GMEB1: variants seen among roughly 807,000 people sequenced by gnomAD.
GMEB1 encodes glucocorticoid modulatory element-binding protein 1.
Under a neutral mutation model 52.4 loss-of-function variants are expected in GMEB1, and 6 were observed. The ratio of observed to expected loss-of-function variants is 0.11; its 90% CI spans 0.06 to 0.23. GMEB1 has a LOEUF of 0.23. Ranked by LOEUF, GMEB1 falls within the 10% of genes least tolerant of loss-of-function variation. GMEB1 has a pLI of 1.00. For synonymous variants in GMEB1, 255 were observed against 244.9 expected (o/e 1.04, Z -0.38); for missense variants, 486 against 685.6 (o/e 0.71, Z 3.25).
intron 1 of GMEB1, among the ~76,000 whole-genome samples, chr1:28,675,297 G>A (rs367582777): frequency 1.3e-5 from 2 of 152,060 alleles, no homozygotes; most frequent in Non-Finnish European, 2.9e-5. Flanking sequence ...GATTACAGGC[G>A]TGAGCCACCG....
At chr1:28,687,373 C>A (rs866441408) in intron 2 of GMEB1, among the ~76,000 whole-genome samples, 257 of 23,886 alleles carry the variant, frequency 0.011, 28 homozygotes, top group South Asian at 0.062. Flanking sequence ...CACACACACA[C>A]ACACACACAC....
chr1:28,677,242 C>T (rs1669192783), intron 1 of GMEB1, among the ~76,000 whole-genome samples: 1 of 151,424 alleles, frequency 6.6e-6, no homozygotes, highest in Non-Finnish European at 1.5e-5. Context: ...ATAAGGGATG[C>T]ATAATCTGTA....
intron 1 of GMEB1, among the ~76,000 whole-genome samples, chr1:28,681,502 G>T (rs557624143): frequency 6.6e-6 from 1 of 152,244 alleles, no homozygotes; most frequent in Admixed American, 6.6e-5. Context: ...AAATATAAAG[G>T]TACATTATGC....
chr1:28,702,412 T>C, intron 6 of GMEB1, 26 bp from the exon 7 acceptor site: 7 of 1,607,146 alleles, frequency 4.4e-6, no homozygotes, highest in Non-Finnish European at 6.0e-6. Context: ...AATTCACTGT[T>C]CTCACCTCTA....
chr1:28,687,580 G>A (rs1669743762), intron 2 of GMEB1, among the ~76,000 whole-genome samples: 1 of 151,984 alleles, frequency 6.6e-6, no homozygotes, highest in African/African-American at 2.4e-5. Context: ...AAAGGATTTG[G>A]AGCTTTATTT....
intron 1 of GMEB1, among the ~76,000 whole-genome samples, chr1:28,681,706 CT>C (rs966710916): frequency 6.6e-6 from 1 of 151,060 alleles, no homozygotes; most frequent in Non-Finnish European, 1.5e-5. Context: ...TCTGACTACA[CT>C]TTTTTTTTCT....
At chr1:28,707,234 G>T (rs1173136896) in intron 8 of GMEB1, among the ~76,000 whole-genome samples, 1 of 151,354 alleles carries the variant, frequency 6.6e-6, no homozygotes, top group Non-Finnish European at 1.5e-5. Context: ...TGCCCGCCTC[G>T]GCCTCCCAAA....
chr1:28,676,221 G>C (rs1247878486), intron 1 of GMEB1, among the ~76,000 whole-genome samples: 1 of 152,114 alleles, frequency 6.6e-6, no homozygotes, highest in African/African-American at 2.4e-5. Flanking sequence ...GTTGAAATTA[G>C]AAGCATCCTT....
At chr1:28,696,533 C>T (rs1043862318) in intron 5 of GMEB1, among the ~76,000 whole-genome samples, 6 of 151,906 alleles carry the variant, frequency 3.9e-5, no homozygotes, top group Non-Finnish European at 7.4e-5. Context: ...ATTAAAATAC[C>T]CCATGGTTTT....
intron 2 of GMEB1, among the ~76,000 whole-genome samples, chr1:28,686,333 C>T (rs1024165622): frequency 1.3e-5 from 2 of 151,412 alleles, no homozygotes; most frequent in African/African-American, 2.4e-5. Context: ...AGAGTAAGAC[C>T]GTGTGTCAAA....
Position 28,714,737 on chromosome 1 carries a change from A to G in GMEB1, c.1656A>G (p.Gln552=), listed in dbSNP as rs1359209996. The change falls in exon 10 of 10, where the codon CAA becomes CAG. Residue 552 remains glutamine, a synonymous_variant. Transcript: ENST00000373816. The part of the protein sequence containing the change: ...VVAEMEEHQH[Q]VHNVEIVVLE... ...CTGAGATGGAAGAACACCAGCATCA[A>G]GTTCACAATGTGGAGATTGTGGTCT... 6.2e-7 allele frequency: 1 copy of G among 1,614,012 alleles called. No individual in the cohort carries two copies. The highest frequency in any genetic ancestry group is 1.1e-5 in the South Asian group (1 of 91,076).
In GMEB1 at chr1:28,710,574, A is replaced by G. The variant is rs1671006749; in HGVS notation, c.923A>G (p.Lys308Arg). 2 of 1,610,912 alleles carry G rather than the reference A, an allele frequency of 1.2e-6. No individual in the cohort carries two copies. The highest frequency in any genetic ancestry group is 1.7e-5 in the Admixed American group (1 of 59,684). ...AHTFGLMDTV[K>R]KVLDNRRNQV... ...ACATTTGGCCTAATGGACACAGTCA[A>G]GAAGGTTTTAGACAACAGAAGGAAC... Residue 308 changes from lysine to arginine, a missense_variant, in exon 9 of 10, where the codon AAG becomes AGG. Transcript: ENST00000373816.
chr1:28,676,098 A>G (rs1453831605), intron 1 of GMEB1, among the ~76,000 whole-genome samples: 1 of 152,146 alleles, frequency 6.6e-6, no homozygotes, highest in African/African-American at 2.4e-5. Context: ...CTTGGGTACT[A>G]ATGTATGGTG....
At chr1:28,697,124 T>C (rs1290045062) in intron 6 of GMEB1, 40 bp downstream of exon 6, 1 of 1,346,034 alleles carries the variant, frequency 7.4e-7, no homozygotes, top group Non-Finnish European at 1.0e-6. Context: ...ATTGTGTTTT[T>C]CAGCAGAACT....
At chr1:28,685,727 G>A (rs1179904406) in intron 2 of GMEB1, among the ~76,000 whole-genome samples, 3 of 152,062 alleles carry the variant, frequency 2.0e-5, no homozygotes, top group South Asian at 2.1e-4. Context: ...TTGGGAGGCC[G>A]AGGTGGGCGG....
chr1:28,680,735 TA>T lies in GMEB1; in HGVS notation c.-30-2836del, dbSNP rs1191971147. Among the ~76,000 whole-genome samples, 127 of 136,230 alleles carry T rather than the reference TA, an allele frequency of 9.3e-4. 1 individual carries two copies. The highest frequency in any genetic ancestry group is 1.0e-3 in the Non-Finnish European group (65 of 62,906). The allele number at this position is 136,230 out of a possible 152,430, so 89.4% of individuals were successfully genotyped here. On this transcript the variant is annotated intron_variant, in intron 1 of 9. Transcript: ENST00000373816. ...GGGGAACACAGCAAGACTCCATCTT[TA>T]AAAAAAAAAAAGAAAAGCAATCCTT...
At chr1:28,686,015 A>G (rs188689073) in intron 2 of GMEB1, among the ~76,000 whole-genome samples, 90 of 152,196 alleles carry the variant, frequency 5.9e-4, no homozygotes, top group Non-Finnish European at 1.9e-4. Context: ...ACTACCTCCT[A>G]CTTGCCACCG....
At chr1:28,703,354 A>T (rs1373658872) in intron 7 of GMEB1, among the ~76,000 whole-genome samples, 7 of 152,080 alleles carry the variant, frequency 4.6e-5, no homozygotes, top group African/African-American at 1.4e-4. Flanking sequence ...CTGTTGTTAG[A>T]TGCTGGGTGC....
rs1457470957 is a variant in GMEB1, at chr1:28,716,608, G to A, written c.*1835G>A. On this transcript the variant is annotated 3_prime_UTR_variant, in exon 10 of 10. Transcript: ENST00000373816. ...TAAAAAGCTTTAGGCTTGGCAGAGA[G>A]GACTCAACACCCCCAGGCTTTCCTG... is the stretch of plus-strand genomic sequence containing the variant. 1.3e-5 allele frequency: 2 copies of A among 152,072 alleles called. No homozygotes were observed. 9.4% of individuals were successfully genotyped at this position (152,072 alleles called of 1,614,324 possible).
Sources: allele counts gnomAD v4.1 joint callset (sites outside exome capture counted in the v4.1 genomes callset), GRCh38; gene constraint gnomAD v4.1.1; transcripts MANE v1.5; gene names NCBI Gene and HGNC (gene_info 2026-07-23, HGNC 2026-07-21).